RGS6: variants seen among roughly 807,000 people sequenced by gnomAD.
RGS6 encodes regulator of G protein signaling 6.
In RGS6, 30 loss-of-function variants were observed where a neutral mutation model predicts 78.5. The ratio of observed to expected loss-of-function variants is 0.38; its 90% CI spans 0.29 to 0.52. RGS6 has a LOEUF of 0.52. RGS6 is among the 20% of genes least tolerant of loss of function. The pLI is 0.85. For missense variants in RGS6, 495 were observed against 609.7 expected (o/e 0.81, Z 1.98); for synonymous variants, 206 against 206.0 (o/e 1.00, Z 0.00).
At chr14:72,620,428 G>A in the RGS6 span, among the ~76,000 whole-genome samples, 2 of 152,198 alleles carry the variant, frequency 1.3e-5, no homozygotes, top group Non-Finnish European at 2.9e-5. Flanking sequence ...GCCAACAGCT[G>A]TACTGGGATG....
At chr14:72,407,356 T>C (rs1566759755) in intron 3 of RGS6, among the ~76,000 whole-genome samples, 1 of 152,238 alleles carries the variant, frequency 6.6e-6, no homozygotes, top group African/African-American at 2.4e-5. Flanking sequence ...TTGATGTCAA[T>C]GGAAAGCTCT....
At chr14:72,495,763 C>T (rs953223393) in intron 13 of RGS6, among the ~76,000 whole-genome samples, 9 of 152,188 alleles carry the variant, frequency 5.9e-5, no homozygotes, top group Non-Finnish European at 5.9e-5. Context: ...AGGACTAGAA[C>T]TCAGGCAGAG....
intron 4 of RGS6, 130 bp downstream of exon 4, chr14:72,454,708 A>G: frequency 1.6e-6 from 1 of 643,406 alleles, no homozygotes; most frequent in Non-Finnish European, 2.8e-6. Context: ...ACGTGGAATC[A>G]CTCTATTTAC....
chr14:72,170,525 C>T (rs1158161935), intron 2 of RGS6, among the ~76,000 whole-genome samples: 1 of 152,234 alleles, frequency 6.6e-6, no homozygotes, highest in South Asian at 2.1e-4. Context: ...CCTATGAGAG[C>T]CCAATTAAAA....
the RGS6 span, among the ~76,000 whole-genome samples, chr14:72,621,649 T>G: frequency 6.6e-6 from 1 of 152,034 alleles, no homozygotes; most frequent in African/African-American, 2.4e-5. Flanking sequence ...AGATACCCAG[T>G]GGGGGAGAGG....
chr14:71,930,923 G>A (rs2087811225), upstream of RGS6, among the ~76,000 whole-genome samples: 2 of 134,148 alleles, frequency 1.5e-5, no homozygotes, highest in South Asian at 2.5e-4. Flanking sequence ...GTTGCAGTGA[G>A]CGAAGATTGC....
At chr14:72,555,949 T>A (rs1461809258) in intron 17 of RGS6, among the ~76,000 whole-genome samples, 1 of 152,204 alleles carries the variant, frequency 6.6e-6, no homozygotes, top group Non-Finnish European at 1.5e-5. Flanking sequence ...GCCTGAGTGA[T>A]TTGAAGAACA....
intron 2 of RGS6, among the ~76,000 whole-genome samples, chr14:72,201,433 G>T (rs8006075): frequency 0.029 from 4,474 of 152,116 alleles, 209 homozygotes; most frequent in African/African-American, 0.1. Context: ...ATGGAGAAAC[G>T]GGGGAATTCT....
chr14:72,095,480 T>G (rs1189945869), intron 2 of RGS6, among the ~76,000 whole-genome samples: 1 of 152,208 alleles, frequency 6.6e-6, no homozygotes, highest in Non-Finnish European at 1.5e-5. Flanking sequence ...GGCCACAGCT[T>G]TCCTTCTTTG....
At chr14:72,007,234 C>G (rs1056978877) in intron 2 of RGS6, among the ~76,000 whole-genome samples, 1 of 151,680 alleles carries the variant, frequency 6.6e-6, no homozygotes, top group Non-Finnish European at 1.5e-5. Flanking sequence ...TAAAAAAGAG[C>G]CAGGACTTGC....
intron 17 of RGS6, chr14:72,541,044 ACTCAATCCCG>A: frequency 1.5e-6 from 2 of 1,325,676 alleles, no homozygotes; most frequent in South Asian, 1.2e-5. Flanking sequence ...CACAAGAAAT[ACTCAATCCCG>A]CTCAATCACG....
At chr14:72,456,339 A>G (rs182994778) in intron 4 of RGS6, among the ~76,000 whole-genome samples, 368 of 152,342 alleles carry the variant, frequency 2.4e-3, no homozygotes, top group Middle Eastern at 0.01. Context: ...CACCCAGGCT[A>G]GAGTGCAGTG....
At chr14:72,097,558 G>A (rs748519615) in intron 2 of RGS6, among the ~76,000 whole-genome samples, 4 of 152,182 alleles carry the variant, frequency 2.6e-5, no homozygotes, top group Non-Finnish European at 4.4e-5. Context: ...GCCGCAATTA[G>A]CAGAGACCAA....
At chr14:72,103,218 A>G (rs1343926154) in intron 2 of RGS6, among the ~76,000 whole-genome samples, 1 of 152,258 alleles carries the variant, frequency 6.6e-6, no homozygotes, top group East Asian at 1.9e-4. Flanking sequence ...CTTTCCCGTT[A>G]GGAATCTAAG....
chr14:72,164,036 G>T (rs1322961920), intron 2 of RGS6, among the ~76,000 whole-genome samples: 1 of 152,054 alleles, frequency 6.6e-6, no homozygotes, highest in Non-Finnish European at 1.5e-5. Flanking sequence ...GAAAAGGTTC[G>T]ACTTTTTGGT....
chr14:72,483,041 G>T (rs2096412972), intron 12 of RGS6, among the ~76,000 whole-genome samples: 1 of 152,132 alleles, frequency 6.6e-6, no homozygotes, highest in Non-Finnish European at 1.5e-5. Context: ...GTGTTCTCTG[G>T]ATACTTGAAG....
intron 2 of RGS6, among the ~76,000 whole-genome samples, chr14:72,014,487 AAG>A (rs2086544645): frequency 6.6e-6 from 1 of 152,202 alleles, no homozygotes; most frequent in Admixed American, 6.5e-5. Flanking sequence ...GGAAAGAGTG[AAG>A]AGTCACTGGC....
intron 2 of RGS6, among the ~76,000 whole-genome samples, chr14:71,990,018 A>G (rs1004879010): frequency 1.3e-5 from 2 of 152,204 alleles, no homozygotes; most frequent in African/African-American, 4.8e-5. Flanking sequence ...CTGCAGGTGT[A>G]CAAGAAGCAT....
At chr14:71,974,830 C>G (rs2094018240) in intron 2 of RGS6, among the ~76,000 whole-genome samples, 1 of 152,132 alleles carries the variant, frequency 6.6e-6, no homozygotes, top group Non-Finnish European at 1.5e-5. Context: ...GATAAATTCT[C>G]TCAGTTCTTG....
Sources: gnomAD v4.1 joint callset for allele counts (sites outside exome capture counted in the v4.1 genomes callset) on GRCh38, gnomAD v4.1.1 for gene constraint, MANE v1.5 for transcripts, NCBI Gene and HGNC (gene_info 2026-07-23, HGNC 2026-07-21) for gene names.